The following COX15 variants were observed in gnomAD, a reference collection of about 807,000 sequenced individuals.
COX15 encodes cytochrome c oxidase assembly factor COX15.
In COX15, 51 loss-of-function variants were observed where a neutral mutation model predicts 51.9. That is an observed-to-expected ratio of 0.98 (90% confidence interval 0.78 to 1.24). COX15 has a LOEUF of 1.24. COX15 is among the 50% of genes most tolerant of loss of function. COX15 has a pLI of 0.00. For missense variants in COX15, 420 were observed against 501.1 expected, an observed-to-expected ratio of 0.84 and a Z score of 1.55; for synonymous variants, 188 against 190.5, an observed-to-expected ratio of 0.99 and a Z score of 0.11.
rs372256836 is a variant in COX15, at chr10:99,723,963, G to A, written c.743C>T (p.Pro248Leu). The part of the protein sequence containing the change: ...LWTSLSLLLP[P>L]HKLPETHQLL... ...TTTGCACACAACTCTTACCTTGTGC[G>A]GAGGGAGTAGCAGTGACAGTGAGGT... The change falls in exon 5 of 9, where the codon CCG (proline) becomes CTG (leucine). Residue 248 changes from proline (P) to leucine (L), a missense_variant. Coordinates refer to ENST00000016171, the MANE Select transcript of COX15 (RefSeq NM_078470.6). 9.9e-6 allele frequency: 16 copies of A among 1,613,820 alleles called. No homozygotes were observed. Among genetic ancestry groups the A allele is most frequent in the East Asian group, 4.5e-5 (2 of 44,868 alleles).
the COX15 span, among the ~76,000 whole-genome samples, chr10:99,696,639 A>G: frequency 2.0e-5 from 3 of 152,204 alleles, no homozygotes; most frequent in Admixed American, 1.3e-4. Flanking sequence ...TGGACAGATC[A>G]CAGATTCTTC....
In COX15 at chr10:99,732,093, T is replaced by C. The variant is rs757512814; in HGVS notation, c.-44A>G. The stretch of plus-strand genomic sequence containing the variant: ...CCACCTCTTCCACAACCCAGGGCTC[T>C]GTGGTCTCCCTCCTCCGCCAAGGAA... On this transcript the variant is annotated 5_prime_UTR_variant, in exon 1 of 9. Transcript: ENST00000016171. 8 of 1,594,296 alleles carry C rather than the reference T, an allele frequency of 5.0e-6. No homozygotes were observed. The highest frequency in any genetic ancestry group is 1.8e-5 in the Admixed American group (1 of 56,668).
rs577370211 is a variant in COX15 at position 99,714,513 on chromosome 10, A to C, written c.*74T>G. On this transcript the variant is annotated 3_prime_UTR_variant, in exon 9 of 9. Transcript: ENST00000016171. ...TGGTATGTCAAGGTCATCTCGTAGA[A>C]AAGCCCAAGTTCTTATGATCTCTGA... 23 of 1,611,004 alleles carry C rather than the reference A, an allele frequency of 1.4e-5. No individual in the cohort carries two copies. The South Asian group carries it at 2.4e-4, about 17-fold the overall frequency.
rs1355179865 is a variant in COX15, at chr10:99,712,356, A to G, written c.*2231T>C. On this transcript the variant is annotated 3_prime_UTR_variant, in exon 9 of 9. Transcript: ENST00000016171. ...CTCAGACACGTTAAGCCTGCATAAC[A>G]TTTTTTAAAATCTTGAAATTAGTTC... The G allele has an allele frequency of 1.0e-6, 1 of 985,432 alleles. No individual in the cohort carries two copies. 61.0% of individuals were successfully genotyped at this position (985,432 alleles called of 1,614,324 possible).
chr10:99,726,956 A>C lies in COX15; in HGVS notation c.582+12T>G. Reference sequence around the variant, plus strand: ...GAGCATTTCTGGTTTCTCAACCTTGAATAAATCTTACCTGGAAGCAGACGA... The same window carrying C: ...GAGCATTTCTGGTTTCTCAACCTTGCATAAATCTTACCTGGAAGCAGACGA... On this transcript the variant is annotated intron_variant, in intron 4 of 8. Coordinates refer to ENST00000016171, the MANE Select transcript of COX15 (RefSeq NM_078470.6). 1 of 1,612,058 alleles carries C rather than the reference A, an allele frequency of 6.2e-7. No individual in the cohort carries two copies. Among genetic ancestry groups the C allele is most frequent in the South Asian group, 1.1e-5 (1 of 91,014 alleles).
chr10:99,694,475 T>A, the COX15 span, among the ~76,000 whole-genome samples: 1 of 152,172 alleles, frequency 6.6e-6, no homozygotes, highest in African/African-American at 2.4e-5. Flanking sequence ...CCTTTTTGGC[T>A]ATTATGCACA....
At position 99,713,433 on chromosome 10, in the gene COX15, T is replaced by C; in HGVS notation, c.*1154A>G. 6.2e-7 allele frequency: 1 copy of C among 1,613,938 alleles called. No homozygotes were observed. The highest frequency in any genetic ancestry group is 8.5e-7 in the Non-Finnish European group (1 of 1,179,986). ...CTCAAATCAGATGTTTCTGATGCCT[T>C]CATCCAAATCACTGATTTTAAAAGT... On this transcript the variant is annotated 3_prime_UTR_variant, in exon 9 of 9. Coordinates refer to ENST00000016171, the MANE Select transcript of COX15 (RefSeq NM_078470.6).
chr10:99,717,965 C>T (rs1261335181), intron 7 of COX15, among the ~76,000 whole-genome samples: 1 of 152,184 alleles, frequency 6.6e-6, no homozygotes, highest in Admixed American at 6.5e-5. Flanking sequence ...GGTTTAGCTC[C>T]GAGAGCTACG....
chr10:99,710,176 A>C (rs1014357916), downstream of COX15: 1 of 985,184 alleles, frequency 1.0e-6, no homozygotes, highest in African/African-American at 1.7e-5. Context: ...GTACTTTCCT[A>C]AGTGGCCCCT....
the COX15 span, chr10:99,704,665 A>G: frequency 6.2e-7 from 1 of 1,613,790 alleles, no homozygotes; most frequent in South Asian, 1.1e-5. Flanking sequence ...CCATGATGGG[A>G]GTACAGGTGG....
the COX15 span, chr10:99,698,831 T>C: frequency 6.2e-7 from 1 of 1,606,238 alleles, no homozygotes; most frequent in South Asian, 1.1e-5. Context: ...GCCGCTACCA[T>C]GGGCCAACAT....
chr10:99,704,720 A>G, the COX15 span: 1 of 1,565,306 alleles, frequency 6.4e-7, no homozygotes, highest in East Asian at 2.3e-5. Flanking sequence ...AGCACCCCCG[A>G]GTTGCTGCTC....
At chr10:99,696,193 C>CA in the COX15 span, 1 of 1,548,972 alleles carries the variant, frequency 6.5e-7, no homozygotes, top group Non-Finnish European at 8.8e-7. Context: ...GAAATACTCA[C>CA]ATCCTCCTAA....
chr10:99,695,822 A>G, the COX15 span: 1 of 766,458 alleles, frequency 1.3e-6, no homozygotes, highest in Non-Finnish European at 2.0e-6. Context: ...AAATAATGCT[A>G]TGAGGATGAA....
chr10:99,713,117 T>C lies in COX15; in HGVS notation c.*1470A>G. 1 of 1,270,400 alleles carries C rather than the reference T, an allele frequency of 7.9e-7. No individual in the cohort carries two copies. Among genetic ancestry groups the C allele is most frequent in the Non-Finnish European group, 1.0e-6 (1 of 998,580 alleles). 78.7% of individuals were successfully genotyped at this position (1,270,400 alleles called of 1,614,324 possible). ...GTTAGGGGTATTTTGACTATGGCTG[T>C]GACACTTCTACTGATAAAACCTGAA... On this transcript the variant is annotated 3_prime_UTR_variant, in exon 9 of 9. Transcript: ENST00000016171.
At chr10:99,726,525 C>T (rs1045487708) in intron 4 of COX15, among the ~76,000 whole-genome samples, 1 of 152,144 alleles carries the variant, frequency 6.6e-6, no homozygotes, top group Non-Finnish European at 1.5e-5. Context: ...GAAGCTAGGC[C>T]TGTGACACTA....
chr10:99,710,058 T>G (rs1397961514), downstream of COX15: 1 of 985,306 alleles, frequency 1.0e-6, no homozygotes, highest in Non-Finnish European at 1.2e-6. Context: ...ATGCATGACT[T>G]CAGGCTAGCA....
the COX15 span, chr10:99,698,972 T>C: frequency 3.0e-6 from 3 of 984,728 alleles, no homozygotes; most frequent in Non-Finnish European, 4.4e-6. Flanking sequence ...ACTTGTTCTT[T>C]GCAGGAGCCC....
chr10:99,703,435 G>A, the COX15 span, among the ~76,000 whole-genome samples: 4 of 152,216 alleles, frequency 2.6e-5, no homozygotes, highest in African/African-American at 7.2e-5. Flanking sequence ...CACAAGCACT[G>A]TCCCAGCATT....
Sources: gnomAD v4.1 joint callset for allele counts (sites outside exome capture counted in the v4.1 genomes callset) on GRCh38, gnomAD v4.1.1 for gene constraint, MANE v1.5 for transcripts, NCBI Gene and HGNC (gene_info 2026-07-23, HGNC 2026-07-21) for gene names.